The following CAPS2 variants were observed in gnomAD, a reference collection of about 807,000 sequenced individuals.
CAPS2 encodes the protein calcyphosin-2.
In CAPS2, 98 loss-of-function variants were observed where a neutral mutation model predicts 86.5. The observed-to-expected ratio is 1.13, with a 90% CI of 0.96 to 1.34. The LOEUF is 1.34. CAPS2 is among the 40% of genes most tolerant of loss of function. The pLI is 0.00. For synonymous variants in CAPS2, 210 were observed against 225.1 expected, an observed-to-expected ratio of 0.93 and a Z score of 0.60; for missense variants, 729 against 686.8, an observed-to-expected ratio of 1.06 and a Z score of -0.69.
intron 11 of CAPS2, among the ~76,000 whole-genome samples, chr12:75,297,075 TTTC>T (rs1229205985): frequency 6.6e-6 from 1 of 152,184 alleles, no homozygotes; most frequent in Non-Finnish European, 1.5e-5. Flanking sequence ...TTTTTCTTTC[TTTC>T]TTCTTTCCTT....
intron 7 of CAPS2, among the ~76,000 whole-genome samples, chr12:75,307,220 G>T (rs1257572381): frequency 6.6e-6 from 1 of 152,214 alleles, no homozygotes; most frequent in African/African-American, 2.4e-5. Flanking sequence ...CACACAGAAA[G>T]GCTGTGAAGA....
intron 5 of CAPS2, among the ~76,000 whole-genome samples, chr12:75,321,029 C>A (rs2138991074): frequency 6.6e-6 from 1 of 152,052 alleles, no homozygotes; most frequent in South Asian, 2.1e-4. Context: ...TCTCAAATCA[C>A]TTATCAATTT....
intron 8 of CAPS2, 82 bp from the exon 9 acceptor site, chr12:75,299,993 G>T: frequency 1.8e-6 from 1 of 556,582 alleles, no homozygotes; most frequent in South Asian, 3.5e-5. Context: ...AAAAAGTTAT[G>T]TTAATATTTT....
chr12:75,302,546 A>G (rs1402492767), intron 8 of CAPS2, among the ~76,000 whole-genome samples: 2 of 152,210 alleles, frequency 1.3e-5, no homozygotes, highest in African/African-American at 2.4e-5. Context: ...AAACTGGCCT[A>G]TGTTAAAACT....
intron 1 of CAPS2, among the ~76,000 whole-genome samples, chr12:75,372,747 C>T (rs1057513409): frequency 5.3e-5 from 8 of 152,186 alleles, no homozygotes; most frequent in Non-Finnish European, 1.0e-4. Flanking sequence ...GCAATCCCAC[C>T]ACTCTATCAA....
At chr12:75,297,658 G>A (rs2037131170) in intron 11 of CAPS2, among the ~76,000 whole-genome samples, 2 of 152,008 alleles carry the variant, frequency 1.3e-5, no homozygotes. Context: ...CCCAATACAT[G>A]TTAGATAACT....
chr12:75,313,018 T>C, intron 6 of CAPS2, 103 bp from the exon 7 acceptor site: 1 of 618,866 alleles, frequency 1.6e-6, no homozygotes, highest in East Asian at 2.8e-5. Context: ...CTGATTTCCG[T>C]CTTAGATATA....
At chr12:75,382,266 A>G (rs568335753) in intron 1 of CAPS2, among the ~76,000 whole-genome samples, 23 of 152,370 alleles carry the variant, frequency 1.5e-4, no homozygotes, top group African/African-American at 5.3e-4. Flanking sequence ...CAGTAAATGT[A>G]GATTAAAAAT....
Position 75,326,464 on chromosome 12 carries a change from G to A in CAPS2, c.35C>T (p.Ser12Phe), listed in dbSNP as rs980567652. 5 of 1,544,668 alleles carry A rather than the reference G, an allele frequency of 3.2e-6. No homozygotes were observed. In the African/African-American group the frequency reaches 6.9e-5, roughly 21 times the overall value. Residue 12 changes from serine (S) to phenylalanine (F), a missense_variant, in exon 1 of 17, where the codon TCT (serine) becomes TTT (phenylalanine). By Grantham distance (155) the Ser-to-Phe change is radical. Transcript: ENST00000393284. Reference sequence around the variant, plus strand: ...AAAGAATGGCTGAATTTGGCTCCTAGAAGTGGCAGCAACTCCTTTAACCTC... The same window carrying A: ...AAAGAATGGCTGAATTTGGCTCCTAAAAGTGGCAGCAACTCCTTTAACCTC...
intron 5 of CAPS2, 143 bp downstream of exon 5, chr12:75,321,257 A>G (rs2040268725): frequency 1.8e-6 from 1 of 558,788 alleles, no homozygotes; most frequent in African/African-American, 1.9e-5. Context: ...AATATTTACA[A>G]CAGTCCTTGA....
intron 14 of CAPS2, among the ~76,000 whole-genome samples, chr12:75,288,406 T>G (rs1396725421): frequency 6.6e-6 from 1 of 152,208 alleles, no homozygotes; most frequent in Non-Finnish European, 1.5e-5. Flanking sequence ...ACCTCTGGAT[T>G]GCTCAGGCAG....
At chr12:75,369,938 T>A (rs1433059056) in intron 1 of CAPS2, 1 of 1,211,154 alleles carries the variant, frequency 8.3e-7, no homozygotes, top group South Asian at 1.6e-5. Context: ...TTTTATAATA[T>A]TAACTTTAAT....
intron 1 of CAPS2, among the ~76,000 whole-genome samples, chr12:75,385,306 C>G (rs553207360): frequency 6.6e-6 from 1 of 152,128 alleles, no homozygotes; most frequent in Non-Finnish European, 1.5e-5. Flanking sequence ...ATTTGCAAAT[C>G]AACTAATGTA....
At chr12:75,388,019 G>T (rs1457259094) in intron 1 of CAPS2, among the ~76,000 whole-genome samples, 1 of 152,174 alleles carries the variant, frequency 6.6e-6, no homozygotes, top group Admixed American at 6.5e-5. Context: ...GATATGGTTT[G>T]GCTCTGTGTC....
intron 1 of CAPS2, among the ~76,000 whole-genome samples, chr12:75,357,250 CAAAGAATATTATCAGAGAT>C (rs1386895611): frequency 6.6e-6 from 1 of 151,906 alleles, no homozygotes; most frequent in African/African-American, 2.4e-5. Flanking sequence ...GATTTCAGAG[CAAAGAATATTATCAGAGAT>C]AAATTTCACT....
At chr12:75,318,719 C>T (rs1057508608) in intron 5 of CAPS2, among the ~76,000 whole-genome samples, 2 of 152,080 alleles carry the variant, frequency 1.3e-5, no homozygotes, top group African/African-American at 4.8e-5. Context: ...CACTTTTCAC[C>T]ATGTGTCATA....
At chr12:75,321,216 T>C (rs1016883043) in intron 5 of CAPS2, among the ~76,000 whole-genome samples, 184 bp downstream of exon 5, 3 of 152,148 alleles carry the variant, frequency 2.0e-5, no homozygotes, top group Non-Finnish European at 2.9e-5. Flanking sequence ...TTTAAATTTG[T>C]TGTGAAAAAC....
chr12:75,344,173 A>G (rs2139353592), intron 1 of CAPS2, among the ~76,000 whole-genome samples: 1 of 152,210 alleles, frequency 6.6e-6, no homozygotes. Context: ...CAAATTTAGA[A>G]GAATGTTGGC....
At chr12:75,292,614 T>TATCTATACATATTATGTATGTATAG (rs2036176235) in intron 12 of CAPS2, among the ~76,000 whole-genome samples, 4 of 147,122 alleles carry the variant, frequency 2.7e-5, no homozygotes, top group South Asian at 2.1e-4. Flanking sequence ...ATTATATATG[T>TATCTATACATATTATGTATGTATAG]ATCTATACAT....
Sources: allele counts gnomAD v4.1 joint callset (sites outside exome capture counted in the v4.1 genomes callset), GRCh38; gene constraint gnomAD v4.1.1; transcripts MANE v1.5; gene names NCBI Gene and HGNC (gene_info 2026-07-23, HGNC 2026-07-21).